The following GYG2 variants were observed in gnomAD, a reference collection of about 807,000 sequenced individuals.
GYG2 encodes glycogenin 2, also known as glycogenin-2.
A neutral mutation model predicts 29.4 loss-of-function variants in GYG2; 29 were observed. That is an observed-to-expected ratio of 0.99 (90% CI 0.74 to 1.35). GYG2 has a LOEUF of 1.35. Ranked by LOEUF, GYG2 falls within the 40% of genes most tolerant of loss-of-function variation. The pLI is 0.00. For missense variants in GYG2, 370 were observed against 385.7 expected (o/e 0.96, Z 0.34); for synonymous variants, 167 against 172.3 (o/e 0.97, Z 0.24).
intron 6 of GYG2, among the ~76,000 whole-genome samples, chrX:2,859,258 A>G (rs1265463832): frequency 1.1e-5 from 1 of 91,055 alleles, no homozygotes; most frequent in African/African-American, 3.6e-5. Context: ...GTATATTATT[A>G]TTGATTATAT....
chrX:2,877,154 T>C, intron 9 of GYG2, 46 bp from the exon 10 acceptor site: 1 of 1,197,641 alleles, frequency 8.3e-7, no homozygotes, highest in Non-Finnish European at 1.1e-6. Context: ...GGGCTACAGT[T>C]CCCTGCAGCC....
intron 8 of GYG2, among the ~76,000 whole-genome samples, chrX:2,863,935 G>A (rs1331710916): frequency 5.4e-5 from 6 of 111,513 alleles, no homozygotes; most frequent in East Asian, 2.8e-4. Flanking sequence ...AGGAAAAATC[G>A]CATTTACATT....
At chrX:2,831,806 AG>A (rs750246867) in intron 2 of GYG2, among the ~76,000 whole-genome samples, 45 of 111,699 alleles carry the variant, frequency 4.0e-4, no homozygotes, top group South Asian at 2.3e-3. Context: ...CCTTGAGTGC[AG>A]GGGGGCAGGC....
At chrX:2,856,706 G>A (rs1370969627) in intron 6 of GYG2, 82 bp downstream of exon 6, 3 of 804,923 alleles carry the variant, frequency 3.7e-6, no homozygotes, top group Non-Finnish European at 5.3e-6. Flanking sequence ...CCAGCTGTCG[G>A]CATATTTAAA....
chrX:2,840,909 A>C (rs1304848966), intron 2 of GYG2, among the ~76,000 whole-genome samples: 1 of 111,516 alleles, frequency 9.0e-6, no homozygotes, highest in Admixed American at 9.6e-5. Context: ...GGTAGATGAT[A>C]GGTGGATAGA....
At chrX:2,871,278 A>G (rs1400182154) in intron 8 of GYG2, among the ~76,000 whole-genome samples, 1 of 108,889 alleles carries the variant, frequency 9.2e-6, no homozygotes, top group Non-Finnish European at 1.9e-5. Flanking sequence ...CCAGCCTCTT[A>G]TTTGCCCTGA....
At chrX:2,858,649 A>G (rs1208928293) in intron 6 of GYG2, among the ~76,000 whole-genome samples, 2 of 111,701 alleles carry the variant, frequency 1.8e-5, no homozygotes, top group Non-Finnish European at 3.8e-5. Context: ...TCTACAGAGG[A>G]CACGGTGTCC....
rs1161925509 is a variant in GYG2 at position 2,874,136 on chromosome X, T to C, written c.1039-1674T>C. Among the ~76,000 whole-genome samples the C allele has an allele frequency of 3.6e-5, 4 of 112,179 alleles. No individual in the cohort carries two copies. In the East Asian group the frequency reaches 1.1e-3, roughly 31 times the overall value. On this transcript the variant is annotated intron_variant, in intron 8 of 10. Transcript: ENST00000398806. ...AATAAAATCAATTGCACTTTCGTGA[T>C]TATGAGTTAGAATAGTCAAATTAAA...
At chrX:2,872,065 C>G (rs994596631) in intron 8 of GYG2, among the ~76,000 whole-genome samples, 35 of 111,691 alleles carry the variant, frequency 3.1e-4, no homozygotes, top group African/African-American at 1.0e-3. Flanking sequence ...TCTTCCCACA[C>G]AGAGCATTTT....
chrX:2,873,287 A>C (rs59058875), intron 8 of GYG2, among the ~76,000 whole-genome samples: 29 of 111,393 alleles, frequency 2.6e-4, no homozygotes, highest in African/African-American at 9.1e-4. Flanking sequence ...TTAATTTTAT[A>C]TTTGGATTTT....
intron 2 of GYG2, among the ~76,000 whole-genome samples, chrX:2,840,613 G>A (rs540552941): frequency 9.0e-6 from 1 of 111,636 alleles, no homozygotes; most frequent in South Asian, 3.7e-4. Flanking sequence ...AGGTAGATAG[G>A]TAGATGATTG....
At position 2,875,933 on chromosome X, in the gene GYG2, A is replaced by G; in HGVS notation, c.1143+19A>G. Reference sequence around the variant, plus strand: ...CATCTTGGTATTCCTCATCTATATGACCTACACATGGCCAGCTCTCTTATT... The same window carrying G: ...CATCTTGGTATTCCTCATCTATATGGCCTACACATGGCCAGCTCTCTTATT... On this transcript the variant is annotated intron_variant, in intron 9 of 10. Transcript: ENST00000398806. 5.6e-6 allele frequency: 5 copies of G among 887,247 alleles called. No homozygotes were observed. Among genetic ancestry groups the G allele is most frequent in the Non-Finnish European group, 8.3e-6 (5 of 605,254 alleles). 73.1% of individuals were successfully genotyped at this position (887,247 alleles called of 1,213,427 possible). A position where few individuals can be genotyped will look rare whatever the true frequency, so the allele number is the denominator to read the frequency against.
intron 8 of GYG2, among the ~76,000 whole-genome samples, chrX:2,869,048 C>T (rs376148991): frequency 3.7e-5 from 4 of 108,154 alleles, no homozygotes; most frequent in South Asian, 7.9e-4. Context: ...GCTGTCCATA[C>T]GGTATCTGAT....
intron 7 of GYG2, among the ~76,000 whole-genome samples, chrX:2,861,283 G>A (rs2088157538): frequency 9.2e-6 from 1 of 109,109 alleles, no homozygotes. Context: ...GCTAAGTACT[G>A]GATTATTAAG....
intron 2 of GYG2, among the ~76,000 whole-genome samples, chrX:2,837,226 A>G (rs1191220200): frequency 8.9e-6 from 1 of 111,801 alleles, no homozygotes; most frequent in Admixed American, 9.5e-5. Context: ...GCCAAGTTTC[A>G]TTTTATACAT....
intron 3 of GYG2, among the ~76,000 whole-genome samples, chrX:2,849,154 A>C (rs1431296779): frequency 9.0e-6 from 1 of 111,721 alleles, no homozygotes; most frequent in Non-Finnish European, 1.9e-5. Context: ...CTGAACAAAA[A>C]GATGTAAGGA....
intron 8 of GYG2, 152 bp from the exon 9 acceptor site, chrX:2,875,658 G>A: frequency 2.2e-6 from 1 of 444,612 alleles, no homozygotes; most frequent in Non-Finnish European, 3.9e-6. Flanking sequence ...CACAGGTATT[G>A]GTGAGCATAT....
chrX:2,829,808 C>T (rs1316479669), intron 1 of GYG2, among the ~76,000 whole-genome samples: 1 of 108,135 alleles, frequency 9.2e-6, no homozygotes, highest in Non-Finnish European at 1.9e-5. Context: ...CGTTGCTGGG[C>T]GCATGGGTGT....
intron 8 of GYG2, among the ~76,000 whole-genome samples, chrX:2,866,712 A>G (rs1432790019): frequency 2.7e-5 from 3 of 111,886 alleles, no homozygotes; most frequent in Middle Eastern, 4.6e-3. Flanking sequence ...CATATTTGAC[A>G]TGAGGGATAT....
Sources: allele counts gnomAD v4.1 joint callset (sites outside exome capture counted in the v4.1 genomes callset), GRCh38; gene constraint gnomAD v4.1.1; transcripts MANE v1.5; gene names NCBI Gene and HGNC (gene_info 2026-07-23, HGNC 2026-07-21).